The following PIP5K1C variants were observed in gnomAD, a reference collection of about 807,000 sequenced individuals.
PIP5K1C encodes phosphatidylinositol-4-phosphate 5-kinase type 1 gamma.
Under a neutral mutation model 80.1 loss-of-function variants are expected in PIP5K1C, and 45 were observed. The observed-to-expected ratio is 0.56, with a 90% confidence interval of 0.44 to 0.72. The LOEUF (loss-of-function observed/expected upper bound fraction) is 0.72. Among genes scored for constraint, PIP5K1C ranks in the 30% least tolerant of loss-of-function variants. The pLI is 0.00. For synonymous variants in PIP5K1C, 498 were observed against 420.1 expected, an observed-to-expected ratio of 1.19 and a Z score of -2.27; for missense variants, 753 against 954.6, an observed-to-expected ratio of 0.79 and a Z score of 2.78.
At chr19:3,656,240 G>T (rs1211079567) in intron 6 of PIP5K1C, among the ~76,000 whole-genome samples, 165 bp downstream of exon 6, 1 of 152,182 alleles carries the variant, frequency 6.6e-6, no homozygotes, top group East Asian at 1.9e-4. Flanking sequence ...TGGTGCTGGT[G>T]AAGCCTGACG....
rs535701709 is a variant in PIP5K1C at position 3,695,754 on chromosome 19, C to T, written c.94+4543G>A. Among the ~76,000 whole-genome samples the T allele has an allele frequency of 4.9e-5, 7 of 141,640 alleles. No homozygotes were observed. The East Asian group carries it at 8.3e-4, about 17-fold the overall frequency. The allele number at this position is 141,640 out of a possible 152,430, so 92.9% of individuals were successfully genotyped here. A position where few individuals can be genotyped will look rare whatever the true frequency, so the allele number is the denominator to read the frequency against. ...CTTTTTTTTTTTTTTTTTTGAGATA[C>T]GATTCTGCTGTCACCCAGGCATGCA... On this transcript the variant is annotated intron_variant, in intron 1 of 17. Transcript: ENST00000335312.
At chr19:3,682,668 GAC>G (rs1319968258) in intron 1 of PIP5K1C, among the ~76,000 whole-genome samples, 3 of 152,004 alleles carry the variant, frequency 2.0e-5, no homozygotes, top group Admixed American at 6.6e-5. Flanking sequence ...CAGCCTGGGT[GAC>G]AGAGCAAGAC....
chr19:3,644,069 C>A lies in PIP5K1C; in HGVS notation c.1510+18G>T. ...CCCCTGTAGCGCCCACAAGCGCACT[C>A]TGCCCTCTGCCCCTCACCTTCGTCC... On this transcript the variant is annotated intron_variant, in intron 12 of 17. Transcript: ENST00000335312. The A allele has an allele frequency of 3.7e-6, 6 of 1,609,724 alleles. No individual in the cohort carries two copies. The highest frequency in any genetic ancestry group is 4.2e-6 in the Non-Finnish European group (5 of 1,179,720).
intron 1 of PIP5K1C, among the ~76,000 whole-genome samples, chr19:3,683,165 C>T (rs574833366): frequency 6.6e-6 from 1 of 152,176 alleles, no homozygotes; most frequent in Non-Finnish European, 1.5e-5. Context: ...TCCTTGGATC[C>T]TCCACATTTG....
chr19:3,651,774 A>G, intron 8 of PIP5K1C, 52 bp downstream of exon 8: 3 of 1,545,798 alleles, frequency 1.9e-6, no homozygotes, highest in Non-Finnish European at 2.7e-6. Context: ...GGGGAACTGG[A>G]GCCTGTGGGG....
chr19:3,647,594 C>T (rs547088037), intron 9 of PIP5K1C, among the ~76,000 whole-genome samples: 59 of 152,130 alleles, frequency 3.9e-4, no homozygotes, highest in Non-Finnish European at 7.9e-4. Context: ...ACGGCCCCAC[C>T]CCAGAGAACC....
chr19:3,671,749 G>C (rs1358589501), intron 1 of PIP5K1C, among the ~76,000 whole-genome samples: 2 of 152,176 alleles, frequency 1.3e-5, no homozygotes, highest in Non-Finnish European at 2.9e-5. Flanking sequence ...CCTGCCCAGG[G>C]GGTGGGGGCA....
chr19:3,684,103 G>A (rs1193376796), intron 1 of PIP5K1C, among the ~76,000 whole-genome samples: 1 of 152,118 alleles, frequency 6.6e-6, no homozygotes, highest in Non-Finnish European at 1.5e-5. Context: ...CAGCCTCCTG[G>A]CTGGGAAGTG....
chr19:3,658,479 C>T (rs533415190), intron 5 of PIP5K1C, among the ~76,000 whole-genome samples: 6 of 152,388 alleles, frequency 3.9e-5, no homozygotes, highest in South Asian at 2.1e-4. Flanking sequence ...GCGGCTCCTC[C>T]GCCTTCCCCG....
chr19:3,668,727 C>T (rs989939518), intron 1 of PIP5K1C, among the ~76,000 whole-genome samples: 5 of 151,946 alleles, frequency 3.3e-5, no homozygotes, highest in African/African-American at 2.4e-5. Flanking sequence ...CAGGGGTGGG[C>T]GCAGGGCTGG....
intron 1 of PIP5K1C, among the ~76,000 whole-genome samples, chr19:3,675,252 T>C (rs576782248): frequency 6.8e-4 from 104 of 152,358 alleles, no homozygotes; most frequent in South Asian, 4.8e-3. Flanking sequence ...GAGTGAATTT[T>C]GTGTCCCAGA....
chr19:3,639,095 G>T, intron 15 of PIP5K1C, 79 bp from the exon 16 acceptor site: 1 of 1,525,790 alleles, frequency 6.6e-7, no homozygotes, highest in Non-Finnish European at 8.9e-7. Flanking sequence ...CAGGACCCAG[G>T]CAGGGGCTTC....
chr19:3,667,235 G>GC, intron 2 of PIP5K1C, 87 bp downstream of exon 2: 1 of 1,217,608 alleles, frequency 8.2e-7, no homozygotes, highest in South Asian at 1.3e-5. Flanking sequence ...GTAGTGAGCT[G>GC]CCCCAGGCCA....
intron 1 of PIP5K1C, among the ~76,000 whole-genome samples, chr19:3,694,410 C>T (rs1488610943): frequency 6.6e-6 from 1 of 152,104 alleles, no homozygotes; most frequent in Admixed American, 6.5e-5. Context: ...AGTGCCTGGG[C>T]TCCCAGTCCT....
intron 8 of PIP5K1C, among the ~76,000 whole-genome samples, chr19:3,650,944 T>C (rs1313012233): frequency 1.3e-5 from 2 of 151,794 alleles, no homozygotes; most frequent in East Asian, 1.9e-4. Context: ...TAAGCAGAGA[T>C]GGGGTTTCAC....
intron 1 of PIP5K1C, among the ~76,000 whole-genome samples, chr19:3,673,048 G>A (rs1600051714): frequency 1.7e-5 from 2 of 120,360 alleles, no homozygotes; most frequent in African/African-American, 3.1e-5. Context: ...CGCAGACAAG[G>A]GTCTCCCCAG....
chr19:3,665,554 C>T (rs929550092), intron 2 of PIP5K1C, among the ~76,000 whole-genome samples: 3 of 152,172 alleles, frequency 2.0e-5, no homozygotes, highest in African/African-American at 4.8e-5. Context: ...ATCTCACCCA[C>T]CGCCTGAGGT....
rs1190055988 is a variant in PIP5K1C at position 3,678,010 on chromosome 19, G to A, written c.95-10657C>T. Reference sequence around the variant, plus strand: ...AGGAGGATGGAGGGATGGACAGATGGAGGGATGGAGAGACGGAGGGATGGA... The same window carrying A: ...AGGAGGATGGAGGGATGGACAGATGAAGGGATGGAGAGACGGAGGGATGGA... On this transcript the variant is annotated intron_variant, in intron 1 of 17. Transcript: ENST00000335312. Among the ~76,000 whole-genome samples, 22 of 96,136 alleles carry A rather than the reference G, an allele frequency of 2.3e-4. 1 individual carries two copies. Among genetic ancestry groups the A allele is most frequent in the African/African-American group, 8.6e-4 (18 of 20,906 alleles). 63.1% of individuals were successfully genotyped at this position (96,136 alleles called of 152,430 possible). A position where few individuals can be genotyped will look rare whatever the true frequency, so the allele number is the denominator to read the frequency against.
At chr19:3,643,185 C>T (rs538492995) in intron 13 of PIP5K1C, 58 bp downstream of exon 13, 64 of 1,605,046 alleles carry the variant, frequency 4.0e-5, no homozygotes, top group Non-Finnish European at 4.9e-5. Context: ...GCAGTGAATG[C>T]CCCGCCCCCA....
Sources: gnomAD v4.1 joint callset for allele counts (sites outside exome capture counted in the v4.1 genomes callset) on GRCh38, gnomAD v4.1.1 for gene constraint, MANE v1.5 for transcripts, NCBI Gene and HGNC (gene_info 2026-07-23, HGNC 2026-07-21) for gene names.